The following KLF5 variants were observed in gnomAD, a reference collection of about 807,000 sequenced individuals.
KLF5 encodes the protein Krueppel-like factor 5.
In KLF5, 9 loss-of-function variants were observed where a neutral mutation model predicts 36.9. The ratio of observed to expected loss-of-function variants is 0.24; its 90% CI spans 0.15 to 0.43. The LOEUF (loss-of-function observed/expected upper bound fraction) is 0.43. Ranked by LOEUF, KLF5 falls within the 20% of genes least tolerant of loss-of-function variation. The pLI is 1.00. For synonymous variants in KLF5, 246 were observed against 241.7 expected (o/e 1.02, Z -0.17); for missense variants, 524 against 599.5 (o/e 0.87, Z 1.31).
At chr13:73,074,346 A>G (rs770419489) in intron 3 of KLF5, among the ~76,000 whole-genome samples, 2 of 151,674 alleles carry the variant, frequency 1.3e-5, no homozygotes, top group Admixed American at 6.6e-5. Flanking sequence ...TCAGAACTAA[A>G]CAAGTGTTCA....
Position 73,059,545 on chromosome 13 carries a change from C to T in KLF5, c.218C>T (p.Pro73Leu), listed in dbSNP as rs557353198. ...APAQAPQPAQ[P>L]PATGPRLPPE... ...GCGCAGGCCCCGCAGCCGGCCCAGC[C>T]GCCCGCCACCGGCCCGCGGCTGCCT... The change falls in exon 1 of 4, where the codon CCG becomes CTG. Residue 73 changes from proline to leucine, a missense_variant. Coordinates refer to ENST00000377687, the MANE Select transcript of KLF5 (RefSeq NM_001730.5). 48 of 1,176,118 alleles carry T rather than the reference C, an allele frequency of 4.1e-5. No individual in the cohort carries two copies. In the African/African-American group the frequency reaches 7.1e-4, roughly 17 times the overall value. The allele number at this position is 1,176,118 out of a possible 1,614,324, so 72.9% of individuals were successfully genotyped here. A position where few individuals can be genotyped will look rare whatever the true frequency, so the allele number is the denominator to read the frequency against.
Position 73,075,854 on chromosome 13 carries a change from C to T in KLF5, c.1342C>T (p.Leu448=), listed in dbSNP as rs775179233. Residue 448 remains leucine (L), a synonymous_variant, in exon 4 of 4, where the codon CTG becomes TTG. Transcript: ENST00000377687. The stretch of plus-strand genomic sequence containing the variant: ...CCGCAGCTTCTCGCGCTCTGACCAC[C>T]TGGCCCTGCATATGAAGAGGCACCA... ...CNRSFSRSDH[L]ALHMKRHQN is the part of the protein sequence containing the mutation. 1 of 1,607,474 alleles carries T rather than the reference C, an allele frequency of 6.2e-7. No individual in the cohort carries two copies. The highest frequency in any genetic ancestry group is 8.5e-7 in the Non-Finnish European group (1 of 1,174,572).
In KLF5 at chr13:73,063,439, T is replaced by A. The variant is rs187268520; in HGVS notation, c.1136-385T>A. Among the ~76,000 whole-genome samples, 7 of 152,224 alleles carry A rather than the reference T, an allele frequency of 4.6e-5. No homozygotes were observed. The East Asian group carries it at 1.4e-3, about 29-fold the overall frequency. Reference sequence around the variant, plus strand: ...ACGTGCTAAATGAAAAAAGAAGAAATGTGGGAGTACAGAAAATTACAGTCA... The same window carrying A: ...ACGTGCTAAATGAAAAAAGAAGAAAAGTGGGAGTACAGAAAATTACAGTCA... On this transcript the variant is annotated intron_variant, in intron 2 of 3. Coordinates refer to ENST00000377687, the MANE Select transcript of KLF5 (RefSeq NM_001730.5).
At position 73,059,564 on chromosome 13, in the gene KLF5, G is replaced by A. The variant is rs1445227157; in HGVS notation, c.237G>A (p.Arg79=). The change falls in exon 1 of 4, where the codon CGG becomes CGA. Residue 79 remains arginine (R), a synonymous_variant. Coordinates refer to ENST00000377687, the MANE Select transcript of KLF5 (RefSeq NM_001730.5). The part of the protein sequence containing the change: ...QPAQPPATGP[R]LPPEDLVQTR... ...CCCAGCCGCCCGCCACCGGCCCGCG[G>A]CTGCCTCCAGAGGACCTGGTCCAGG... 8.6e-7 allele frequency: 1 copy of A among 1,166,912 alleles called. No homozygotes were observed. Among genetic ancestry groups the A allele is most frequent in the Non-Finnish European group, 1.1e-6 (1 of 950,050 alleles). The allele number at this position is 1,166,912 out of a possible 1,614,324, so 72.3% of individuals were successfully genotyped here.
intron 1 of KLF5, among the ~76,000 whole-genome samples, chr13:73,060,858 C>T (rs1163799047): frequency 6.6e-6 from 1 of 152,086 alleles, no homozygotes; most frequent in Non-Finnish European, 1.5e-5. Context: ...AGGCTTGAGG[C>T]GACTTGTTAC....
At chr13:73,056,934 GT>G (rs36117211), upstream of KLF5, among the ~76,000 whole-genome samples, 27 of 149,382 alleles carry the variant, frequency 1.8e-4, no homozygotes, top group East Asian at 1.8e-3. Context: ...TAGTTGTATG[GT>G]TTTTTTTTTG....
Position 73,062,312 on chromosome 13 carries a change from A to G in KLF5, c.713A>G (p.Asp238Gly). ...LYQLLNTPDL[D>G]MPSSTNQTAA... is the part of the protein sequence containing the mutation. ...CAGCTACTGAATACACCGGATCTAG[A>G]TATGCCCAGTTCTACAAATCAGACA... The change falls in exon 2 of 4, where the codon GAT becomes GGT. Residue 238 changes from aspartate to glycine, a missense_variant. Physicochemically the swap from Asp to Gly is moderately conservative, Grantham distance 94 (BLOSUM62 -1). This residue lies in a region of KLF5 where 454 missense variants were observed against 458.1 expected (regional missense o/e 0.99). Coordinates refer to ENST00000377687, the MANE Select transcript of KLF5 (RefSeq NM_001730.5). 6.2e-7 allele frequency: 1 copy of G among 1,614,154 alleles called. No homozygotes were observed. Among genetic ancestry groups the G allele is most frequent in the Non-Finnish European group, 8.5e-7 (1 of 1,180,018 alleles).
intron 3 of KLF5, among the ~76,000 whole-genome samples, chr13:73,064,604 T>C (rs899642522): frequency 1.3e-5 from 2 of 152,168 alleles, no homozygotes; most frequent in Non-Finnish European, 2.9e-5. Flanking sequence ...AGTGCAGTGG[T>C]GTGATCTCAG....
chr13:73,062,824 C>T lies in KLF5; in HGVS notation c.1135+90C>T, dbSNP rs182192000. On this transcript the variant is annotated intron_variant, in intron 2 of 3. Coordinates refer to ENST00000377687, the MANE Select transcript of KLF5 (RefSeq NM_001730.5). Reference sequence around the variant, plus strand: ...GCGCGCGTGTGCGTGTGTGCACGCGCGTGCCCTTTTCAACCTCATGGCTTT... The same window carrying T: ...GCGCGCGTGTGCGTGTGTGCACGCGTGTGCCCTTTTCAACCTCATGGCTTT... 2.4e-3 allele frequency: 2,772 copies of T among 1,172,578 alleles called. 7 individuals are homozygous for T. Among genetic ancestry groups the T allele is most frequent in the Non-Finnish European group, 2.7e-3 (2,225 of 832,568 alleles). 72.6% of individuals were successfully genotyped at this position (1,172,578 alleles called of 1,614,324 possible).
chr13:73,061,232 A>G (rs1485655559), intron 1 of KLF5, among the ~76,000 whole-genome samples: 1 of 152,220 alleles, frequency 6.6e-6, no homozygotes, highest in East Asian at 1.9e-4. Flanking sequence ...CAAATATTGA[A>G]TGTGAAATTG....
chr13:73,064,267 CTTA>C (rs2044663150), intron 3 of KLF5, among the ~76,000 whole-genome samples: 1 of 152,172 alleles, frequency 6.6e-6, no homozygotes, highest in Non-Finnish European at 1.5e-5. Flanking sequence ...ATTTTAAACT[CTTA>C]AAAACTTTCC....
chr13:73,059,085 G>A lies in KLF5; in HGVS notation c.-243G>A. ...GGAGCGGGCTCCGGAGAGCCTGAGA[G>A]CACGGTGGGGCGGGGCGGGAGAAAG... On this transcript the variant is annotated 5_prime_UTR_variant, in exon 1 of 4. Transcript: ENST00000377687. 2.8e-6 allele frequency: 1 copy of A among 360,170 alleles called. No individual in the cohort carries two copies. The highest frequency in any genetic ancestry group is 4.2e-5 in the East Asian group (1 of 23,978). 22.3% of individuals were successfully genotyped at this position (360,170 alleles called of 1,614,324 possible). A position where few individuals can be genotyped will look rare whatever the true frequency, so the allele number is the denominator to read the frequency against.
At chr13:73,056,574 T>A (rs2044584777), upstream of KLF5, among the ~76,000 whole-genome samples, 1 of 152,226 alleles carries the variant, frequency 6.6e-6, no homozygotes, top group South Asian at 2.1e-4. Flanking sequence ...AGCATTTATG[T>A]TAAAAGCAAC....
intron 2 of KLF5, 112 bp downstream of exon 2, chr13:73,062,846 C>A: frequency 1.2e-6 from 1 of 832,198 alleles, no homozygotes; most frequent in Non-Finnish European, 1.9e-6. Flanking sequence ...AACCTCATGG[C>A]TTTAAATAGG....
At chr13:73,069,692 G>C (rs1012414248) in intron 3 of KLF5, among the ~76,000 whole-genome samples, 1 of 152,040 alleles carries the variant, frequency 6.6e-6, no homozygotes, top group Non-Finnish European at 1.5e-5. Flanking sequence ...TCTAGGACTT[G>C]TTCTTTCTTC....
intron 3 of KLF5, among the ~76,000 whole-genome samples, chr13:73,065,141 A>G (rs1359448631): frequency 1.3e-5 from 2 of 152,252 alleles, no homozygotes; most frequent in African/African-American, 2.4e-5. Context: ...AAAGTATTCA[A>G]CAGTTCCTTT....
At chr13:73,062,760 A>C (rs760176780) in intron 2 of KLF5, 26 bp downstream of exon 2, 12 of 1,597,878 alleles carry the variant, frequency 7.5e-6, no homozygotes, top group Non-Finnish European at 1.0e-5. Flanking sequence ...TGGTTGAAGC[A>C]TCAATAGATG....
intron 3 of KLF5, among the ~76,000 whole-genome samples, chr13:73,066,332 T>C (rs2044679762): frequency 6.6e-6 from 1 of 151,972 alleles, no homozygotes; most frequent in African/African-American, 2.4e-5. Context: ...TTTTTTTTTT[T>C]TCTTTCCCTT....
chr13:73,058,692 AC>A (rs141391427), upstream of KLF5: 25,858 of 152,432 alleles, frequency 0.17, 2,687 homozygotes, highest in Non-Finnish European at 0.24. Flanking sequence ...CCGCGTCTCC[AC>A]CCTAATTCCC....
Sources: gnomAD v4.1 joint callset for allele counts (sites outside exome capture counted in the v4.1 genomes callset) on GRCh38, gnomAD v4.1.1 for gene constraint, gnomAD v4.1.1 regional missense constraint, MANE v1.5 for transcripts, NCBI Gene and HGNC (gene_info 2026-07-23, HGNC 2026-07-21) for gene names.